Variants in SPMIP7 observed in about 807,000 individuals in gnomAD.
SPMIP7 encodes the protein sperm microtubule inner protein 7, also known as protein SPMIP7.
At chr7:50,101,078 T>C in the SPMIP7 span, among the ~76,000 whole-genome samples, 1 of 152,202 alleles carries the variant, frequency 6.6e-6, no homozygotes, top group African/African-American at 2.4e-5. Flanking sequence ...GGTCCAAAAG[T>C]GATCCTCAGC....
the SPMIP7 span, among the ~76,000 whole-genome samples, chr7:50,133,735 A>G: frequency 6.6e-6 from 1 of 152,074 alleles, no homozygotes; most frequent in Non-Finnish European, 1.5e-5. Flanking sequence ...TAGGACTGAC[A>G]TTTGTTTCTT....
the SPMIP7 span, among the ~76,000 whole-genome samples, chr7:50,148,960 CAG>C: frequency 1.2e-4 from 18 of 152,296 alleles, no homozygotes. Flanking sequence ...GCCTGACCAA[CAG>C]GGTGAAACCC....
At chr7:50,149,069 C>T in the SPMIP7 span, among the ~76,000 whole-genome samples, 1 of 152,030 alleles carries the variant, frequency 6.6e-6, no homozygotes, top group Non-Finnish European at 1.5e-5. Context: ...CACTTGAACC[C>T]AGGAGGTGGA....
chr7:50,129,860 C>T, the SPMIP7 span: 23 of 969,622 alleles, frequency 2.4e-5, no homozygotes, highest in South Asian at 3.1e-4. Context: ...GACACATCCT[C>T]TTTATGTCTA....
At chr7:50,109,286 A>G in the SPMIP7 span, among the ~76,000 whole-genome samples, 1 of 152,194 alleles carries the variant, frequency 6.6e-6, no homozygotes, top group African/African-American at 2.4e-5. Context: ...CATGAAATAA[A>G]TATTAGCCTA....
chr7:50,106,899 G>C, the SPMIP7 span, among the ~76,000 whole-genome samples: 1 of 152,116 alleles, frequency 6.6e-6, no homozygotes, highest in Non-Finnish European at 1.5e-5. Context: ...CCAGGAGTTT[G>C]AGACCAGTCT....
the SPMIP7 span, among the ~76,000 whole-genome samples, chr7:50,124,589 A>T: frequency 1.3e-5 from 2 of 152,212 alleles, no homozygotes; most frequent in Non-Finnish European, 2.9e-5. Flanking sequence ...CATCTAGGAA[A>T]ATATCAAATA....
At chr7:50,132,254 CATT>C in the SPMIP7 span, among the ~76,000 whole-genome samples, 1 of 152,092 alleles carries the variant, frequency 6.6e-6, no homozygotes, top group Non-Finnish European at 1.5e-5. Context: ...TGGCATCCTC[CATT>C]CTTTTTCACC....
At chr7:50,118,106 TC>T in the SPMIP7 span, among the ~76,000 whole-genome samples, 1 of 152,180 alleles carries the variant, frequency 6.6e-6, no homozygotes, top group African/African-American at 2.4e-5. Flanking sequence ...CCAAGTCAAC[TC>T]CCCTATGTTG....
chr7:50,102,131 C>T, the SPMIP7 span, among the ~76,000 whole-genome samples: 1 of 152,182 alleles, frequency 6.6e-6, no homozygotes, highest in Non-Finnish European at 1.5e-5. Flanking sequence ...CAAGACCAGC[C>T]TAGCCAACAT....
At chr7:50,133,493 A>AT in the SPMIP7 span, among the ~76,000 whole-genome samples, 5 of 152,080 alleles carry the variant, frequency 3.3e-5, no homozygotes, top group South Asian at 4.1e-4. Context: ...TCAAATGAGC[A>AT]TTTTTTTGGA....
chr7:50,096,455 G>C, the SPMIP7 span: 14 of 1,551,554 alleles, frequency 9.0e-6, no homozygotes, highest in Admixed American at 2.7e-4. Context: ...TCCTGGCATT[G>C]GCAGAACCAT....
the SPMIP7 span, among the ~76,000 whole-genome samples, chr7:50,121,061 C>T: frequency 1.5e-4 from 23 of 152,262 alleles, no homozygotes; most frequent in Middle Eastern, 3.4e-3. Flanking sequence ...AATGCTCATA[C>T]GTAGCCATCC....
the SPMIP7 span, among the ~76,000 whole-genome samples, chr7:50,153,024 C>T: frequency 0.44 from 66,409 of 151,914 alleles, 14,981 homozygotes; most frequent in East Asian, 0.72. Context: ...CTGGGCCAGG[C>T]ACTGTTCAAG....
chr7:50,154,280 C>T, the SPMIP7 span, among the ~76,000 whole-genome samples: 1 of 152,128 alleles, frequency 6.6e-6, no homozygotes. Flanking sequence ...TAGCAAAAAT[C>T]CTGAATACGA....
the SPMIP7 span, among the ~76,000 whole-genome samples, chr7:50,146,138 C>T: frequency 1.3e-5 from 2 of 152,180 alleles, no homozygotes; most frequent in African/African-American, 4.8e-5. Flanking sequence ...CAGCCCAATA[C>T]TTCTGCCTTT....
At chr7:50,158,353 C>A in the SPMIP7 span, among the ~76,000 whole-genome samples, 1 of 151,344 alleles carries the variant, frequency 6.6e-6, no homozygotes, top group Non-Finnish European at 1.5e-5. Flanking sequence ...TTCTCCCAAC[C>A]TCTGGATGTG....
At chr7:50,125,141 C>CATAT in the SPMIP7 span, among the ~76,000 whole-genome samples, 2,737 of 34,260 alleles carry the variant, frequency 0.08, 886 homozygotes, top group East Asian at 0.27. Context: ...CACACACACA[C>CATAT]ATATACACAC....
chr7:50,106,310 A>G, the SPMIP7 span, among the ~76,000 whole-genome samples: 1 of 152,230 alleles, frequency 6.6e-6, no homozygotes, highest in Non-Finnish European at 1.5e-5. Context: ...TGGTGGTCTC[A>G]TAGAAGTAAA....
Sources: allele counts gnomAD v4.1 joint callset (sites outside exome capture counted in the v4.1 genomes callset), GRCh38; gene constraint gnomAD v4.1.1; transcripts MANE v1.5; gene names NCBI Gene and HGNC (gene_info 2026-07-23, HGNC 2026-07-21).